TMPRSS15: variants seen among roughly 807,000 people sequenced by gnomAD.
The protein encoded by TMPRSS15 is enteropeptidase.
In TMPRSS15, 128 loss-of-function variants were observed where a neutral mutation model predicts 125.3. The observed-to-expected ratio is 1.02, with a 90% CI of 0.89 to 1.18. The LOEUF is 1.18. TMPRSS15 is among the 50% of genes most tolerant of loss of function. The pLI is 0.00. For missense variants in TMPRSS15, 1,283 were observed against 1,212.7 expected (o/e 1.06, Z -0.86); for synonymous variants, 446 against 423.2 (o/e 1.05, Z -0.66).
intron 16 of TMPRSS15, among the ~76,000 whole-genome samples, chr21:18,322,677 G>A (rs2075251263): frequency 6.6e-6 from 1 of 152,122 alleles, no homozygotes; most frequent in Admixed American, 6.6e-5. Context: ...TAAATTAATT[G>A]ATTTCATGAA....
intron 1 of TMPRSS15, among the ~76,000 whole-genome samples, chr21:18,458,585 C>T (rs770601247): frequency 1.3e-5 from 2 of 152,112 alleles, no homozygotes; most frequent in African/African-American, 4.8e-5. Context: ...ATTTCTGACA[C>T]GGGGTAGCTG....
chr21:18,387,265 G>C (rs541752949), intron 3 of TMPRSS15, among the ~76,000 whole-genome samples: 1 of 152,104 alleles, frequency 6.6e-6, no homozygotes, highest in Non-Finnish European at 1.5e-5. Context: ...ACTAGTCCTT[G>C]TAAAATAACA....
intron 23 of TMPRSS15, 125 bp downstream of exon 23, chr21:18,278,839 A>G (rs1169219116): frequency 1.6e-6 from 1 of 624,482 alleles, no homozygotes; most frequent in African/African-American, 1.9e-5. Flanking sequence ...CTTTTAGGAG[A>G]TATTGAAAAA....
chr21:18,364,128 C>G (rs535987160), intron 7 of TMPRSS15, among the ~76,000 whole-genome samples: 2 of 152,150 alleles, frequency 1.3e-5, no homozygotes, highest in South Asian at 2.1e-4. Context: ...TGACTTTTAA[C>G]TTTCTTTAAT....
intron 12 of TMPRSS15, among the ~76,000 whole-genome samples, chr21:18,343,259 T>C (rs2075467334): frequency 6.6e-6 from 1 of 152,226 alleles, no homozygotes; most frequent in African/African-American, 2.4e-5. Context: ...AAGACTTCGA[T>C]GTATTTTATG....
intron 1 of TMPRSS15, among the ~76,000 whole-genome samples, chr21:18,424,120 C>T (rs1299639919): frequency 6.6e-6 from 1 of 152,086 alleles, no homozygotes; most frequent in South Asian, 2.1e-4. Context: ...CATCTGAAAA[C>T]AAGTGTTTTA....
chr21:18,430,344 G>A (rs575666678), intron 1 of TMPRSS15, among the ~76,000 whole-genome samples: 4 of 152,252 alleles, frequency 2.6e-5, no homozygotes, highest in African/African-American at 9.6e-5. Flanking sequence ...CCATAAAAAA[G>A]AAACTATGTT....
At chr21:18,440,492 CCTAA>C (rs144729516) in intron 1 of TMPRSS15, among the ~76,000 whole-genome samples, 1,697 of 151,640 alleles carry the variant, frequency 0.011, 30 homozygotes, top group African/African-American at 0.038. Flanking sequence ...CCTCCATTTC[CCTAA>C]CTATTTCATA....
intron 1 of TMPRSS15, among the ~76,000 whole-genome samples, chr21:18,430,998 G>A (rs895256299): frequency 9.9e-5 from 15 of 152,140 alleles, no homozygotes; most frequent in African/African-American, 3.6e-4. Flanking sequence ...TACAGTCTTA[G>A]AACAGATATA....
intron 3 of TMPRSS15, among the ~76,000 whole-genome samples, chr21:18,392,642 G>A (rs574950355): frequency 6.6e-6 from 1 of 152,226 alleles, no homozygotes; most frequent in South Asian, 2.1e-4. Context: ...CTTTATGGCA[G>A]TACCCCATTC....
At chr21:18,365,110 A>C (rs777548021) in intron 7 of TMPRSS15, 30 bp downstream of exon 7, 20 of 1,578,266 alleles carry the variant, frequency 1.3e-5, no homozygotes, top group Non-Finnish European at 1.7e-5. Context: ...TTTATGACTT[A>C]AGAACAGAAA....
chr21:18,460,135 T>C (rs531950061), intron 1 of TMPRSS15, among the ~76,000 whole-genome samples: 51 of 152,306 alleles, frequency 3.3e-4, no homozygotes, highest in African/African-American at 1.2e-3. Flanking sequence ...CCTGTATTTA[T>C]GGCTTATATA....
At chr21:18,481,531 T>C (rs1978981677) in intron 1 of TMPRSS15, among the ~76,000 whole-genome samples, 1 of 151,794 alleles carries the variant, frequency 6.6e-6, no homozygotes, top group Non-Finnish European at 1.5e-5. Context: ...CACGGGGCAT[T>C]GCACGTTAAA....
intron 16 of TMPRSS15, among the ~76,000 whole-genome samples, chr21:18,316,345 C>T (rs2075166707): frequency 6.6e-6 from 1 of 152,170 alleles, no homozygotes; most frequent in Non-Finnish European, 1.5e-5. Context: ...AACTGTTACT[C>T]AAGCACAGAG....
At position 18,398,296 on chromosome 21, in the gene TMPRSS15, G is replaced by A. The variant is rs199751836; in HGVS notation, c.179C>T (p.Ala60Val). Residue 60 changes from alanine to valine, a missense_variant, in exon 2 of 25, where the codon GCG becomes GTG. By Grantham distance (64) the Ala-to-Val change is moderately conservative (BLOSUM62 0). Transcript: ENST00000284885. ...AACTCCGGATGTTATTTTAAATGTC[G>A]CTCTGGCTTCATGACTCTGTCCAAG... Reference protein sequence around the residue: ...AALGQSHEARATFKITSGVTY... With the variant: ...AALGQSHEARVTFKITSGVTY... 5 of 1,613,544 alleles carry A rather than the reference G, an allele frequency of 3.1e-6. No homozygotes were observed. Among genetic ancestry groups the A allele is most frequent in the East Asian group, 4.5e-5 (2 of 44,848 alleles).
chr21:18,374,181 G>C (rs2075818052), intron 5 of TMPRSS15, among the ~76,000 whole-genome samples: 1 of 152,078 alleles, frequency 6.6e-6, no homozygotes, highest in African/African-American at 2.4e-5. Context: ...TGTGTGAAGA[G>C]TACATCAATA....
Position 18,281,202 on chromosome 21 carries a change from T to G in TMPRSS15, c.2506A>C (p.Lys836Gln), listed in dbSNP as rs754418190. ...TGCAGGCCTAGGATTGCTGTCCACT[T>G]GGATGGCTCTAAGTTTCTCCTGAAA... ...CVYGRNLEPS[K>Q]WTAILGLHMK... The change falls in exon 22 of 25, where the codon AAG becomes CAG. Residue 836 changes from lysine (K) to glutamine (Q), a missense_variant. Coordinates refer to ENST00000284885, the MANE Select transcript of TMPRSS15 (RefSeq NM_002772.3). 3.1e-6 allele frequency: 5 copies of G among 1,614,078 alleles called. No individual in the cohort carries two copies. In the South Asian group the frequency reaches 4.4e-5, roughly 14 times the overall value.
chr21:18,457,504 T>C (rs1443740922), intron 1 of TMPRSS15, among the ~76,000 whole-genome samples: 2 of 152,062 alleles, frequency 1.3e-5, no homozygotes, highest in Non-Finnish European at 2.9e-5. Flanking sequence ...ATCACTTAAG[T>C]TTCAATGTGT....
chr21:18,437,734 A>G (rs2076231096), intron 1 of TMPRSS15, among the ~76,000 whole-genome samples: 1 of 152,252 alleles, frequency 6.6e-6, no homozygotes, highest in African/African-American at 2.4e-5. Context: ...AATGCTCATC[A>G]TCACTGGCCA....
Sources: allele counts gnomAD v4.1 joint callset (sites outside exome capture counted in the v4.1 genomes callset), GRCh38; gene constraint gnomAD v4.1.1; transcripts MANE v1.5; gene names NCBI Gene and HGNC (gene_info 2026-07-23, HGNC 2026-07-21).